Variants in PIK3R3 observed in about 807,000 individuals in gnomAD.
The protein encoded by PIK3R3 is phosphatidylinositol 3-kinase regulatory subunit gamma.
Under a neutral mutation model 62.9 loss-of-function variants are expected in PIK3R3, and 64 were observed. That is an observed-to-expected ratio of 1.02 (90% confidence interval 0.83 to 1.25). The LOEUF (loss-of-function observed/expected upper bound fraction) is 1.25. Ranked by LOEUF, PIK3R3 falls within the 50% of genes most tolerant of loss-of-function variation. PIK3R3 has a pLI of 0.00. For synonymous variants in PIK3R3, 165 were observed against 189.0 expected, an observed-to-expected ratio of 0.87 and a Z score of 1.04; for missense variants, 614 against 561.6, an observed-to-expected ratio of 1.09 and a Z score of -0.94.
intron 1 of PIK3R3, among the ~76,000 whole-genome samples, chr1:46,109,135 C>T (rs1343521223): frequency 1.3e-5 from 2 of 149,378 alleles, no homozygotes; most frequent in Non-Finnish European, 3.0e-5. Flanking sequence ...CTCCATCCAG[C>T]CTGGGTGACA....
chr1:46,066,975 G>A lies in PIK3R3; in HGVS notation c.431C>T (p.Ser144Phe). The A allele has an allele frequency of 6.2e-7, 1 of 1,612,588 alleles. No individual in the cohort carries two copies. Among genetic ancestry groups the A allele is most frequent in the Non-Finnish European group, 8.5e-7 (1 of 1,179,300 alleles). The stretch of plus-strand genomic sequence containing the variant: ...AAGTTTGGGATTGTACTGAGCAAGA[G>A]ATTCATGGTGATAGTGGTTAATGAG... ...VELINHYHHE[S>F]LAQYNPKLDV... is the part of the protein sequence containing the mutation. Residue 144 changes from serine to phenylalanine, a missense_variant, in exon 4 of 10, where the codon TCT becomes TTT. By Grantham distance (155) the Ser-to-Phe change is radical. Coordinates refer to ENST00000262741, the MANE Select transcript of PIK3R3 (RefSeq NM_003629.4).
In PIK3R3 at chr1:46,043,740, T is replaced by C. The variant is rs769381872; in HGVS notation, c.1319A>G (p.His440Arg). The C allele has an allele frequency of 1.2e-6, 2 of 1,614,232 alleles. No homozygotes were observed. Among genetic ancestry groups the C allele is most frequent in the Middle Eastern group, 1.6e-4 (1 of 6,062 alleles). ...AAGCCTGACGTTGAGGGAGTCGTTG[T>C]GCTGAACCAAGGATGTCTGCTGGTA... ...LHYQQTSLVQHNDSLNVRLAY... is the reference protein window; with the variant it reads ...LHYQQTSLVQRNDSLNVRLAY... The change falls in exon 10 of 10, where the codon CAC becomes CGC. Residue 440 changes from histidine to arginine, a missense_variant. Physicochemically the swap from His to Arg is conservative, Grantham distance 29. Transcript: ENST00000262741.
the PIK3R3 span, among the ~76,000 whole-genome samples, chr1:46,163,957 G>C: frequency 6.6e-6 from 1 of 152,164 alleles, no homozygotes; most frequent in Non-Finnish European, 1.5e-5. Flanking sequence ...TGGCTGACCA[G>C]ACCACAAAGG....
the PIK3R3 span, among the ~76,000 whole-genome samples, chr1:46,173,766 G>C: frequency 6.6e-6 from 1 of 152,136 alleles, no homozygotes; most frequent in South Asian, 2.1e-4. Context: ...ATGTCATCTG[G>C]TTCCCACAGC....
intron 1 of PIK3R3, among the ~76,000 whole-genome samples, chr1:46,086,017 T>C (rs542998920): frequency 1.3e-5 from 2 of 152,276 alleles, no homozygotes; most frequent in East Asian, 1.9e-4. Context: ...TGGGATTATA[T>C]GCATGGGCCA....
the PIK3R3 span, among the ~76,000 whole-genome samples, chr1:46,172,027 A>G: frequency 7.2e-5 from 11 of 152,076 alleles, no homozygotes; most frequent in Non-Finnish European, 1.6e-4. Context: ...CCGATTTTCC[A>G]GTGGCTGCCT....
intron 1 of PIK3R3, among the ~76,000 whole-genome samples, chr1:46,109,076 A>G (rs1653478392): frequency 6.6e-6 from 1 of 151,602 alleles, no homozygotes; most frequent in African/African-American, 2.4e-5. Flanking sequence ...GGAGAATGGC[A>G]TGAACCCGGG....
chr1:46,146,796 T>A, the PIK3R3 span, among the ~76,000 whole-genome samples: 34 of 148,588 alleles, frequency 2.3e-4, no homozygotes, highest in African/African-American at 8.5e-4. Flanking sequence ...AATTCTATAC[T>A]CATGGTTGGG....
At chr1:46,124,882 G>A (rs916195286) in intron 1 of PIK3R3, among the ~76,000 whole-genome samples, 2 of 151,608 alleles carry the variant, frequency 1.3e-5, no homozygotes, top group African/African-American at 2.4e-5. Context: ...TGGATTGCCT[G>A]AGGTCAGGAG....
intron 2 of PIK3R3, among the ~76,000 whole-genome samples, chr1:46,078,575 T>C (rs1250235160): frequency 6.6e-6 from 1 of 152,020 alleles, no homozygotes; most frequent in African/African-American, 2.4e-5. Flanking sequence ...ACATATTAAG[T>C]CCTCTTCAAA....
chr1:46,103,096 A>C (rs749036739), intron 1 of PIK3R3, among the ~76,000 whole-genome samples: 21 of 152,340 alleles, frequency 1.4e-4, no homozygotes, highest in South Asian at 4.1e-4. Flanking sequence ...CCACTTACTT[A>C]TACGAGGTAA....
chr1:46,060,866 C>G (rs1317490655), intron 6 of PIK3R3, among the ~76,000 whole-genome samples: 1 of 152,192 alleles, frequency 6.6e-6, no homozygotes, highest in Non-Finnish European at 1.5e-5. Flanking sequence ...TTTTCCATTG[C>G]ATATTAATTA....
At chr1:46,156,297 TA>T in the PIK3R3 span, among the ~76,000 whole-genome samples, 1 of 151,670 alleles carries the variant, frequency 6.6e-6, no homozygotes, top group African/African-American at 2.4e-5. Context: ...CCGTCTCTAC[TA>T]AAAATACAAA....
In PIK3R3 at chr1:46,043,688, G is replaced by C; in HGVS notation, c.1371C>G (p.Pro457=). ...CACTTCCTCTTTATCTGCAAAGCGA[G>C]GGCATCTGTGCATGAACAGGGTAGG... The part of the protein sequence containing the change: ...RLAYPVHAQM[P]SLCR Residue 457 remains proline (P), a synonymous_variant, in exon 10 of 10, where the codon CCC becomes CCG. Coordinates refer to ENST00000262741, the MANE Select transcript of PIK3R3 (RefSeq NM_003629.4). The C allele has an allele frequency of 6.2e-7, 1 of 1,614,108 alleles. No individual in the cohort carries two copies. Among genetic ancestry groups the C allele is most frequent in the Non-Finnish European group, 8.5e-7 (1 of 1,179,948 alleles).
chr1:46,083,148 A>G (rs1342782965), intron 1 of PIK3R3, among the ~76,000 whole-genome samples: 1 of 152,204 alleles, frequency 6.6e-6, no homozygotes, highest in Non-Finnish European at 1.5e-5. Flanking sequence ...AAATAATTCA[A>G]TGAGGGAAAG....
chr1:46,054,397 C>A (rs373791463), intron 7 of PIK3R3, among the ~76,000 whole-genome samples: 38 of 80,030 alleles, frequency 4.7e-4, no homozygotes, highest in East Asian at 1.1e-3. Flanking sequence ...CTCCGCCTCA[C>A]AAAAAAAAAA....
At chr1:46,094,734 C>T (rs545306427) in intron 1 of PIK3R3, among the ~76,000 whole-genome samples, 1 of 152,318 alleles carries the variant, frequency 6.6e-6, no homozygotes, top group South Asian at 2.1e-4. Context: ...ACACTAACCC[C>T]TTCCTATACC....
intron 6 of PIK3R3, among the ~76,000 whole-genome samples, chr1:46,058,586 A>G (rs1274406800): frequency 2.0e-5 from 3 of 152,262 alleles, no homozygotes; most frequent in Admixed American, 1.3e-4. Context: ...GATGTGAGAC[A>G]TGGAGTCAAA....
At chr1:46,080,327 G>T (rs1441117186) in intron 2 of PIK3R3, among the ~76,000 whole-genome samples, 1 of 151,918 alleles carries the variant, frequency 6.6e-6, no homozygotes, top group Non-Finnish European at 1.5e-5. Flanking sequence ...CTCCCAAAGT[G>T]CATGGCTTAC....
Sources: gnomAD v4.1 joint callset for allele counts (sites outside exome capture counted in the v4.1 genomes callset) on GRCh38, gnomAD v4.1.1 for gene constraint, MANE v1.5 for transcripts, NCBI Gene and HGNC (gene_info 2026-07-23, HGNC 2026-07-21) for gene names.